The following IFT74 variants were observed in gnomAD, a reference collection of about 807,000 sequenced individuals.
IFT74 encodes the protein intraflagellar transport 74, also known as intraflagellar transport protein 74 homolog.
Under a neutral mutation model 96.7 loss-of-function variants are expected in IFT74, and 92 were observed. That is an observed-to-expected ratio of 0.95 (90% CI 0.80 to 1.13). IFT74 has a LOEUF of 1.13. Among genes scored for constraint, IFT74 ranks in the 50% most tolerant of loss-of-function variants. The pLI, the probability that IFT74 is intolerant of heterozygous loss-of-function variation, is 0.00. For synonymous variants in IFT74, 223 were observed against 213.2 expected (o/e 1.05, Z -0.40); for missense variants, 811 against 698.2 (o/e 1.16, Z -1.82).
chr9:27,024,295 G>T (rs1306838314), intron 12 of IFT74, among the ~76,000 whole-genome samples: 1 of 152,188 alleles, frequency 6.6e-6, no homozygotes, highest in Non-Finnish European at 1.5e-5. Flanking sequence ...CAGAGCAGGT[G>T]CTGGTATCCA....
chr9:27,020,057 C>T (rs897549998), intron 12 of IFT74, among the ~76,000 whole-genome samples: 9 of 151,566 alleles, frequency 5.9e-5, no homozygotes, highest in Non-Finnish European at 8.8e-5. Context: ...CTCACTGCAA[C>T]CTCCACATCC....
intron 6 of IFT74, among the ~76,000 whole-genome samples, chr9:26,985,189 A>G (rs1478234123): frequency 2.0e-5 from 3 of 152,214 alleles, no homozygotes; most frequent in African/African-American, 4.8e-5. Context: ...TATCCTTAGC[A>G]AACTAACACA....
At chr9:26,978,914 A>G (rs1336241758) in intron 3 of IFT74, among the ~76,000 whole-genome samples, 1 of 152,112 alleles carries the variant, frequency 6.6e-6, no homozygotes, top group Non-Finnish European at 1.5e-5. Context: ...TATATATTAG[A>G]GTTTAAAATT....
At chr9:27,003,446 C>T (rs570704462) in intron 8 of IFT74, among the ~76,000 whole-genome samples, 39 of 152,086 alleles carry the variant, frequency 2.6e-4, no homozygotes, top group Non-Finnish European at 1.6e-4. Flanking sequence ...TTGTTTGAAC[C>T]TGGGAGGCAG....
intron 2 of IFT74, among the ~76,000 whole-genome samples, chr9:26,977,174 C>T (rs1477822904): frequency 6.6e-6 from 1 of 152,038 alleles, no homozygotes; most frequent in African/African-American, 2.4e-5. Flanking sequence ...AAGACGGTCT[C>T]TCTATGTTCT....
chr9:26,989,628 T>C (rs533745125), intron 7 of IFT74, among the ~76,000 whole-genome samples: 1 of 152,260 alleles, frequency 6.6e-6, no homozygotes, highest in South Asian at 2.1e-4. Context: ...AATTCACTAA[T>C]TAAGAATCTT....
At chr9:27,011,993 T>C in intron 10 of IFT74, 25 bp downstream of exon 10, 1 of 1,470,208 alleles carries the variant, frequency 6.8e-7, no homozygotes, top group Middle Eastern at 1.8e-4. Flanking sequence ...AAATAAGGGT[T>C]CTCATACTAC....
chr9:27,026,325 G>A (rs189998783), intron 12 of IFT74, among the ~76,000 whole-genome samples: 1 of 152,182 alleles, frequency 6.6e-6, no homozygotes, highest in East Asian at 1.9e-4. Flanking sequence ...GCTCCCAAAT[G>A]TAAAAAACAA....
chr9:26,950,313 A>AT (rs1287360968), intron 1 of IFT74, among the ~76,000 whole-genome samples: 1 of 151,286 alleles, frequency 6.6e-6, no homozygotes, highest in South Asian at 2.1e-4. Flanking sequence ...TCTGTCTCAA[A>AT]AAAAAAAAAA....
At chr9:26,996,297 A>G in intron 8 of IFT74, 1 of 1,478,916 alleles carries the variant, frequency 6.8e-7, no homozygotes, top group Non-Finnish European at 9.3e-7. Flanking sequence ...TAATATATAG[A>G]ACCAGTATAT....
intron 16 of IFT74, among the ~76,000 whole-genome samples, chr9:27,051,578 A>G (rs1165954750): frequency 3.9e-5 from 6 of 152,172 alleles, no homozygotes; most frequent in Non-Finnish European, 7.4e-5. Flanking sequence ...TAACAACTCC[A>G]TATTTCCCTA....
At position 26,962,080 on chromosome 9, in the gene IFT74, C is replaced by T. The variant is rs1471659921; in HGVS notation, c.113C>T (p.Ala38Val). ...IRPLSGNIRVATAMPPGTARP... is the reference protein window; with the variant it reads ...IRPLSGNIRVVTAMPPGTARP... The stretch of plus-strand genomic sequence containing the variant: ...CCCCTATCAGGAAATATTCGAGTGG[C>T]AACTGCAGTAAGTTTGAAACAAATC... The change falls in exon 2 of 20, where the codon GCA becomes GTA. Residue 38 changes from alanine to valine, a missense_variant. Ala to Val is a moderately conservative substitution (Grantham distance 64). Transcript: ENST00000380062. 1.2e-6 allele frequency: 2 copies of T among 1,613,998 alleles called. No homozygotes were observed. Among genetic ancestry groups the T allele is most frequent in the Admixed American group, 1.7e-5 (1 of 60,000 alleles).
intron 2 of IFT74, among the ~76,000 whole-genome samples, chr9:26,965,625 G>A (rs940618756): frequency 6.6e-6 from 1 of 151,998 alleles, no homozygotes; most frequent in Non-Finnish European, 1.5e-5. Flanking sequence ...CACGTTATCT[G>A]TTTATTTGTA....
At chr9:27,024,601 A>T (rs1412363897) in intron 12 of IFT74, among the ~76,000 whole-genome samples, 1 of 152,210 alleles carries the variant, frequency 6.6e-6, no homozygotes, top group Non-Finnish European at 1.5e-5. Flanking sequence ...ATATGAGAAG[A>T]CAAGGTTCTG....
chr9:26,955,540 C>G (rs185970307), upstream of IFT74, among the ~76,000 whole-genome samples: 1 of 152,202 alleles, frequency 6.6e-6, no homozygotes, highest in East Asian at 1.9e-4. Flanking sequence ...GGGAGAAACT[C>G]TGCCAAAAGG....
intron 2 of IFT74, among the ~76,000 whole-genome samples, chr9:26,974,182 A>G (rs1464223028): frequency 2.0e-5 from 3 of 152,026 alleles, no homozygotes; most frequent in Non-Finnish European, 2.9e-5. Context: ...TGAGAAGCAT[A>G]TGGGTTTGGA....
At chr9:27,059,440 G>A (rs1820313452) in intron 18 of IFT74, among the ~76,000 whole-genome samples, 1 of 152,184 alleles carries the variant, frequency 6.6e-6, no homozygotes, top group Non-Finnish European at 1.5e-5. Flanking sequence ...ATCTGACACA[G>A]CATTGCTTTT....
chr9:26,978,181 T>G lies in IFT74; in HGVS notation c.174T>G (p.Gly58=). ...PGSRGCPIGT[G]GVLSSQIKVA... is the part of the protein sequence containing the mutation. ...CTCGTGGTTGTCCCATAGGGACTGG[T>G]GGAGTTCTGTCTTCTCAAATCAAAG... The change falls in exon 3 of 20, where the codon GGT becomes GGG. Residue 58 remains glycine (G), a synonymous_variant. Coordinates refer to ENST00000380062, the MANE Select transcript of IFT74 (RefSeq NM_025103.4). 1 of 1,613,420 alleles carries G rather than the reference T, an allele frequency of 6.2e-7. No individual in the cohort carries two copies. The highest frequency in any genetic ancestry group is 2.2e-5 in the East Asian group (1 of 44,804).
chr9:26,996,068 T>C (rs1481001664), intron 8 of IFT74, among the ~76,000 whole-genome samples: 1 of 152,198 alleles, frequency 6.6e-6, no homozygotes, highest in Non-Finnish European at 1.5e-5. Context: ...TGATTTATAC[T>C]CGTTAAGATT....
Sources: gnomAD v4.1 joint callset for allele counts (sites outside exome capture counted in the v4.1 genomes callset) on GRCh38, gnomAD v4.1.1 for gene constraint, MANE v1.5 for transcripts, NCBI Gene and HGNC (gene_info 2026-07-23, HGNC 2026-07-21) for gene names.